CELSR1: variants seen among roughly 807,000 people sequenced by gnomAD.
CELSR1 encodes the protein cadherin EGF LAG seven-pass G-type receptor 1, also known as adhesion G protein-coupled receptor C1.
CELSR1 carries 110 observed loss-of-function variants against 249.1 expected under a neutral mutation model. The observed-to-expected ratio is 0.44, with a 90% CI of 0.38 to 0.52. The LOEUF (loss-of-function observed/expected upper bound fraction) is 0.52. Ranked by LOEUF, CELSR1 falls within the 20% of genes least tolerant of loss-of-function variation. The probability of loss-of-function intolerance (pLI) is 0.00; values close to 1 mark genes in which losing one functional copy is unlikely to be tolerated. For missense variants in CELSR1, 4,109 were observed against 4,296.4 expected (o/e 0.96, Z 1.22); for synonymous variants, 2,113 against 1,900.0 (o/e 1.11, Z -2.92).
intron 25 of CELSR1, among the ~76,000 whole-genome samples, chr22:46,371,928 T>TCTG (rs1263025908): frequency 1.5e-5 from 2 of 136,242 alleles, no homozygotes; most frequent in Non-Finnish European, 3.2e-5. Flanking sequence ...CACCCACCCA[T>TCTG]CTGCTCACTC....
rs1025412826 is a variant in CELSR1, at chr22:46,506,961, C to T, written c.3544+26666G>A. On this transcript the variant is annotated intron_variant, in intron 1 of 34. Coordinates refer to ENST00000674500, the MANE Select transcript of CELSR1 (RefSeq NM_001378328.1). The surrounding 1 kb of genome is among the most constrained non-coding windows in gnomAD (Gnocchi z 4.1). ...TTTGTAATCCCAGCACTTTGGGAGG[C>T]CGAGGCGGGTGGATCACCTGAGGTC... Among the ~76,000 whole-genome samples, 5 of 152,138 alleles carry T rather than the reference C, an allele frequency of 3.3e-5. No homozygotes were observed. Among genetic ancestry groups the T allele is most frequent in the Non-Finnish European group, 2.9e-5 (2 of 68,032 alleles).
Position 46,517,816 on chromosome 22 carries a change from A to G in CELSR1, c.3544+15811T>C, listed in dbSNP as rs73888540. Among the ~76,000 whole-genome samples the G allele has an allele frequency of 7.8e-3, 1,193 of 152,176 alleles. 19 individuals are homozygous for G. Among genetic ancestry groups the G allele is most frequent in the African/African-American group, 0.027 (1,132 of 41,504 alleles). On this transcript the variant is annotated intron_variant, in intron 1 of 34. Coordinates refer to ENST00000674500, the MANE Select transcript of CELSR1 (RefSeq NM_001378328.1). This position sits in a 1 kb window ranked among gnomAD's most constrained non-coding sequence, Gnocchi z 5.4. ...GCACTTGGCATTGAGACCCAGAGGGAAAGGGAGGGTGAGCTGTCATCTGAA... is the reference window on the plus strand; with the variant it reads ...GCACTTGGCATTGAGACCCAGAGGGGAAGGGAGGGTGAGCTGTCATCTGAA...
rs143188039 is a variant in CELSR1 at position 46,390,286 on chromosome 22, G to A, written c.6345+106C>T. ...GGGCTGTCCCTGCGCCATCCCAGCC[G>A]CCCCAACACTCCCCAGCCCAGGAGC... On this transcript the variant is annotated intron_variant, in intron 17 of 34. Transcript: ENST00000674500. The surrounding 1 kb of genome is among the most constrained non-coding windows in gnomAD (Gnocchi z 6.3). 3,195 of 924,084 alleles carry A rather than the reference G, an allele frequency of 3.5e-3. 12 individuals carry two copies. The highest frequency in any genetic ancestry group is 0.016 in the Middle Eastern group (49 of 2,980). The allele number at this position is 924,084 out of a possible 1,614,324, so 57.2% of individuals were successfully genotyped here.
chr22:46,416,432 C>T (rs972228222), intron 5 of CELSR1, among the ~76,000 whole-genome samples: 4 of 152,042 alleles, frequency 2.6e-5, no homozygotes, highest in African/African-American at 9.7e-5. Context: ...TCCCAGGCCT[C>T]GCTTCCAGGA....
chr22:46,463,542 C>T (rs1012987143), intron 2 of CELSR1, among the ~76,000 whole-genome samples, 165 bp downstream of exon 2: 2 of 144,694 alleles, frequency 1.4e-5, no homozygotes, highest in African/African-American at 2.7e-5. Context: ...AAAAAAAGTA[C>T]CGTTACTGAG....
intron 1 of CELSR1, among the ~76,000 whole-genome samples, chr22:46,519,032 C>CA (rs981048240): frequency 0.026 from 3,599 of 139,850 alleles, 73 homozygotes; most frequent in African/African-American, 0.059. Flanking sequence ...GACTCTGTAT[C>CA]AAAAAAAAAA....
chr22:46,384,484 C>G (rs2079011326), intron 20 of CELSR1, 59 bp downstream of exon 20: 1 of 1,521,398 alleles, frequency 6.6e-7, no homozygotes, highest in Non-Finnish European at 8.8e-7. Flanking sequence ...CAGCGGGGCC[C>G]TCCCCTCCCT....
chr22:46,449,450 C>T (rs934528110), intron 2 of CELSR1, among the ~76,000 whole-genome samples: 1 of 151,978 alleles, frequency 6.6e-6, no homozygotes, highest in Non-Finnish European at 1.5e-5. Flanking sequence ...CATCCAACCA[C>T]CCATCATGCA....
rs746222824 is a variant in CELSR1, at chr22:46,534,106, C to T, written c.3065G>A (p.Arg1022His). 2.9e-5 allele frequency: 46 copies of T among 1,613,590 alleles called. No homozygotes were observed. The highest frequency in any genetic ancestry group is 8.0e-5 in the African/African-American group (6 of 74,912). Residue 1022 changes from arginine (R) to histidine (H), a missense_variant, in exon 1 of 35, where the codon CGT becomes CAT. This residue lies in a region of CELSR1 where 886 missense variants were observed against 896.5 expected (regional missense o/e 0.99). Coordinates refer to ENST00000674500, the MANE Select transcript of CELSR1 (RefSeq NM_001378328.1). The surrounding 1 kb of genome is among the most constrained non-coding windows in gnomAD (Gnocchi z 9.7). ...NPVGSVVAKI[R>H]ANDPDEGPNA... ...AGGGCCTTCATCAGGGTCGTTAGCA[C>T]GAATCTTTGCCACCACCGACCCCAC...
At chr22:46,432,978 A>T (rs1474532645) in intron 5 of CELSR1, among the ~76,000 whole-genome samples, 1 of 152,150 alleles carries the variant, frequency 6.6e-6, no homozygotes, top group Non-Finnish European at 1.5e-5. Context: ...TTTAAAAAAA[A>T]ATTCAGAGCA....
chr22:46,481,675 T>C, intron 1 of CELSR1: 3 of 616,114 alleles, frequency 4.9e-6, no homozygotes, highest in Non-Finnish European at 5.9e-6. Context: ...CCAGATGTTC[T>C]CTCTCTCCAG....
At chr22:46,496,308 C>A (rs2147715846) in intron 1 of CELSR1, among the ~76,000 whole-genome samples, 1 of 152,202 alleles carries the variant, frequency 6.6e-6, no homozygotes, top group African/African-American at 2.4e-5. Context: ...TGGCTCACGC[C>A]TGTAATCCCA....
chr22:46,474,788 C>CTTTTTTTTTTTT lies in CELSR1; in HGVS notation c.3545-10455_3545-10444dup, dbSNP rs55932520. ...GTGACCATTATTCTACTCTCTACTT[C>CTTTTTTTTTTTT]TTTTTTTTTTTTTTTTTTGAGACGG... On this transcript the variant is annotated intron_variant, in intron 1 of 34. Transcript: ENST00000674500. 2.0e-3 allele frequency among the ~76,000 whole-genome samples: 182 copies of CTTTTTTTTTTTT among 89,630 alleles called. 8 individuals carry two copies. Among genetic ancestry groups the CTTTTTTTTTTTT allele is most frequent in the African/African-American group, 3.9e-3 (84 of 21,398 alleles). 58.8% of individuals were successfully genotyped at this position (89,630 alleles called of 152,430 possible).
Position 46,417,837 on chromosome 22 carries a change from A to G in CELSR1, c.4612-6078T>C, listed in dbSNP as rs1360231869. Among the ~76,000 whole-genome samples the G allele has an allele frequency of 6.6e-6, 1 of 152,218 alleles. No homozygotes were observed. Among genetic ancestry groups the G allele is most frequent in the Admixed American group, 6.5e-5 (1 of 15,284 alleles). On this transcript the variant is annotated intron_variant, in intron 5 of 34. Coordinates refer to ENST00000674500, the MANE Select transcript of CELSR1 (RefSeq NM_001378328.1). This position sits in a 1 kb window ranked among gnomAD's most constrained non-coding sequence, Gnocchi z 4.1. ...CTGAGCTGGCGTGGCTGATATTACT[A>G]TCATCCTCATTCTCAACTCAGAGTC...
intron 1 of CELSR1, among the ~76,000 whole-genome samples, chr22:46,501,051 T>C (rs1388031426): frequency 7.9e-5 from 12 of 152,006 alleles, no homozygotes. Flanking sequence ...CATTTTTTAT[T>C]GAGACAGAGT....
At chr22:46,516,167 T>C (rs1004994940) in intron 1 of CELSR1, among the ~76,000 whole-genome samples, 3 of 152,198 alleles carry the variant, frequency 2.0e-5, no homozygotes, top group African/African-American at 4.8e-5. Context: ...CGTATGTTTA[T>C]TGCGGCACTA....
At position 46,363,053 on chromosome 22, in the gene CELSR1, CAGT is replaced by C. The variant is rs2078722942; in HGVS notation, c.*167_*169del. 1 of 1,386,078 alleles carries C rather than the reference CAGT, an allele frequency of 7.2e-7. No individual in the cohort carries two copies. The highest frequency in any genetic ancestry group is 1.4e-5 in the African/African-American group (1 of 69,288). The allele number at this position is 1,386,078 out of a possible 1,614,324, so 85.9% of individuals were successfully genotyped here. A position where few individuals can be genotyped will look rare whatever the true frequency, so the allele number is the denominator to read the frequency against. ...ACCAAGACCTTTGTGTCTGGATGAT[CAGT>C]CGGGGGGCTGCCACCATGGGGACCG... On this transcript the variant is annotated 3_prime_UTR_variant, in exon 35 of 35. Coordinates refer to ENST00000674500, the MANE Select transcript of CELSR1 (RefSeq NM_001378328.1). This position sits in a 1 kb window ranked among gnomAD's most constrained non-coding sequence, Gnocchi z 4.3.
At position 46,463,769 on chromosome 22, in the gene CELSR1, G is replaced by C; in HGVS notation, c.4121C>G (p.Ala1374Gly). ...CTCGCGGCTGCGGCAGCGGCCGTTGGCGCCGCACGGGTCGGAGTAGCAGAG... is the reference window on the plus strand; with the variant it reads ...CTCGCGGCTGCGGCAGCGGCCGTTGCCGCCGCACGGGTCGGAGTAGCAGAG... ...IDLCYSDPCG[A>G]NGRCRSREGG... is the part of the protein sequence containing the mutation. Residue 1374 changes from alanine (A) to glycine (G), a missense_variant, in exon 2 of 35, where the codon GCC becomes GGC. Transcript: ENST00000674500. The C allele has an allele frequency of 6.4e-7, 1 of 1,572,004 alleles. No individual in the cohort carries two copies. Among genetic ancestry groups the C allele is most frequent in the South Asian group, 1.2e-5 (1 of 84,254 alleles).
intron 1 of CELSR1, among the ~76,000 whole-genome samples, chr22:46,469,642 A>G (rs2080133364): frequency 6.6e-6 from 1 of 151,834 alleles, no homozygotes; most frequent in Non-Finnish European, 1.5e-5. Flanking sequence ...CAGTCTCCCA[A>G]GTAGCTGGGA....
Sources: gnomAD v4.1 joint callset for allele counts (sites outside exome capture counted in the v4.1 genomes callset) on GRCh38, gnomAD v4.1.1 for gene constraint, gnomAD v4.1.1 regional missense constraint, Gnocchi (gnomAD v3.1) non-coding constraint, MANE v1.5 for transcripts, NCBI Gene and HGNC (gene_info 2026-07-23, HGNC 2026-07-21) for gene names.